Variants in SSH2 observed in about 807,000 individuals in gnomAD.
SSH2 encodes the protein protein phosphatase Slingshot homolog 2.
A neutral mutation model predicts 135.2 loss-of-function variants in SSH2; 37 were observed. The ratio of observed to expected loss-of-function variants is 0.27; its 90% CI spans 0.21 to 0.36. The LOEUF (loss-of-function observed/expected upper bound fraction) is 0.36. Among genes scored for constraint, SSH2 ranks in the 10% least tolerant of loss-of-function variants. The pLI is 1.00. For missense variants in SSH2, 1,408 were observed against 1,765.3 expected (o/e 0.80, Z 3.63); for synonymous variants, 628 against 646.2 (o/e 0.97, Z 0.43).
At chr17:29,716,816 C>G in intron 3 of SSH2, 1 of 401,600 alleles carries the variant, frequency 2.5e-6, no homozygotes, top group Non-Finnish European at 4.7e-6. Context: ...TGGCATCTTG[C>G]TTCTGTCTCA....
intron 1 of SSH2, among the ~76,000 whole-genome samples, chr17:29,907,396 G>A (rs746155020): frequency 3.9e-4 from 60 of 152,224 alleles, no homozygotes; most frequent in Non-Finnish European, 7.9e-4. Flanking sequence ...AATAGCTAAC[G>A]TATGCTGGGC....
chr17:29,832,193 G>A (rs1256590886), intron 2 of SSH2, among the ~76,000 whole-genome samples: 2 of 152,136 alleles, frequency 1.3e-5, no homozygotes, highest in African/African-American at 4.8e-5. Context: ...GCCCAGGTGA[G>A]GGTGCAGTGG....
intron 1 of SSH2, among the ~76,000 whole-genome samples, chr17:29,898,993 A>G (rs2066496214): frequency 6.6e-6 from 1 of 152,146 alleles, no homozygotes; most frequent in African/African-American, 2.4e-5. Flanking sequence ...ATCAATAAAC[A>G]TAATCCAGCA....
chr17:29,742,319 CTTTTTTT>C (rs891136307), intron 3 of SSH2, among the ~76,000 whole-genome samples: 34 of 129,698 alleles, frequency 2.6e-4, no homozygotes, highest in Admixed American at 1.6e-3. Flanking sequence ...GCAAGTTCTT[CTTTTTTT>C]TTTTTTTTTT....
chr17:29,650,885 G>T, intron 12 of SSH2, 85 bp from the exon 13 acceptor site: 1 of 1,119,852 alleles, frequency 8.9e-7, no homozygotes, highest in South Asian at 2.1e-5. Flanking sequence ...CTTAAAACTT[G>T]TTTATTCCAT....
At chr17:29,914,540 C>T (rs2066845972) in intron 1 of SSH2, among the ~76,000 whole-genome samples, 1 of 139,592 alleles carries the variant, frequency 7.2e-6, no homozygotes, top group African/African-American at 2.7e-5. Context: ...GCCTGGGTGA[C>T]AGAGAGAGAC....
intron 1 of SSH2, among the ~76,000 whole-genome samples, chr17:29,870,527 A>T (rs2065921838): frequency 6.6e-6 from 1 of 152,232 alleles, no homozygotes; most frequent in Non-Finnish European, 1.5e-5. Flanking sequence ...AAAAAATTAA[A>T]CAAAAATAAA....
At chr17:29,693,381 G>C (rs1002503295) in intron 5 of SSH2, among the ~76,000 whole-genome samples, 1 of 151,694 alleles carries the variant, frequency 6.6e-6, no homozygotes, top group Admixed American at 6.6e-5. Flanking sequence ...GCACAATCTC[G>C]GCTCACTGCA....
chr17:29,658,005 AT>A (rs34973345), intron 11 of SSH2, among the ~76,000 whole-genome samples: 452 of 121,376 alleles, frequency 3.7e-3, no homozygotes, highest in East Asian at 7.4e-3. Flanking sequence ...CACAATCTGT[AT>A]TTTTTTTTTT....
At chr17:29,843,964 G>A (rs2043088770) in intron 2 of SSH2, among the ~76,000 whole-genome samples, 1 of 152,126 alleles carries the variant, frequency 6.6e-6, no homozygotes, top group Non-Finnish European at 1.5e-5. Flanking sequence ...AGAGAATGCA[G>A]ATCTATAGTC....
intron 3 of SSH2, among the ~76,000 whole-genome samples, chr17:29,711,115 G>A (rs1049990273): frequency 6.6e-6 from 1 of 152,164 alleles, no homozygotes; most frequent in Non-Finnish European, 1.5e-5. Flanking sequence ...ATTACCGGCC[G>A]AAGCAGAGAA....
At chr17:29,756,724 C>T (rs1048865028) in intron 3 of SSH2, among the ~76,000 whole-genome samples, 2 of 151,840 alleles carry the variant, frequency 1.3e-5, no homozygotes, top group African/African-American at 4.8e-5. Context: ...GTGAGATCTT[C>T]GCTCATGGCA....
chr17:29,889,802 CAAAAAAA>C (rs534822390), intron 1 of SSH2, among the ~76,000 whole-genome samples: 3 of 49,472 alleles, frequency 6.1e-5, no homozygotes, highest in Non-Finnish European at 1.2e-4. Flanking sequence ...CCATCTCTAC[CAAAAAAA>C]AAAAAAAAAA....
At chr17:29,662,612 T>C (rs1231231527) in intron 11 of SSH2, among the ~76,000 whole-genome samples, 1 of 152,198 alleles carries the variant, frequency 6.6e-6, no homozygotes, top group Non-Finnish European at 1.5e-5. Context: ...TCATCTACAT[T>C]AAAAGTAACC....
intron 1 of SSH2, among the ~76,000 whole-genome samples, chr17:29,904,679 G>T (rs187154234): frequency 1.3e-3 from 195 of 152,144 alleles, no homozygotes; most frequent in Non-Finnish European, 1.3e-3. Flanking sequence ...AGAAATAACA[G>T]GTATTCAAAT....
chr17:29,673,312 G>A (rs968427866), intron 8 of SSH2, among the ~76,000 whole-genome samples: 1 of 152,082 alleles, frequency 6.6e-6, no homozygotes, highest in African/African-American at 2.4e-5. Context: ...GCTCACGCCT[G>A]TAATCCTAGC....
At chr17:29,751,340 AGGAGGT>A in intron 3 of SSH2, among the ~76,000 whole-genome samples, 1 of 152,084 alleles carries the variant, frequency 6.6e-6, no homozygotes, top group Non-Finnish European at 1.5e-5. Context: ...ATTTGAACCC[AGGAGGT>A]GGAGGTTGCA....
intron 12 of SSH2, among the ~76,000 whole-genome samples, chr17:29,655,007 C>T (rs991903951): frequency 2.0e-5 from 3 of 152,202 alleles, no homozygotes; most frequent in African/African-American, 7.2e-5. Flanking sequence ...TTTTAAACAT[C>T]ACCAATGGTT....
At chr17:29,850,169 T>C (rs538581846) in intron 1 of SSH2, among the ~76,000 whole-genome samples, 1 of 151,424 alleles carries the variant, frequency 6.6e-6, no homozygotes, top group Non-Finnish European at 1.5e-5. Flanking sequence ...ACAAGGAAAA[T>C]AAGACAAAGG....
Sources: allele counts gnomAD v4.1 joint callset (sites outside exome capture counted in the v4.1 genomes callset), GRCh38; gene constraint gnomAD v4.1.1; transcripts MANE v1.5; gene names NCBI Gene and HGNC (gene_info 2026-07-23, HGNC 2026-07-21).